Variants in CHD1L observed in about 807,000 individuals in gnomAD.
The protein encoded by CHD1L is ATP-dependent chromatin remodeler CHD1L.
A neutral mutation model predicts 115.9 loss-of-function variants in CHD1L; 118 were observed. The ratio of observed to expected loss-of-function variants is 1.02; its 90% CI spans 0.88 to 1.19. CHD1L has a LOEUF of 1.19. Ranked by LOEUF, CHD1L falls within the 50% of genes most tolerant of loss-of-function variation. The pLI, the probability that CHD1L is intolerant of heterozygous loss-of-function variation, is 0.00. For synonymous variants in CHD1L, 411 were observed against 387.1 expected (o/e 1.06, Z -0.72); for missense variants, 1,179 against 1,065.3 (o/e 1.11, Z -1.49).
Position 147,255,558 on chromosome 1 carries a change from T to C in CHD1L, c.348-255T>C, listed in dbSNP as rs17160050. ...TCATAGTGACGTAGGAAGTAACTCA[T>C]GTGGAAGAGATCGTTTTATTTTTAG... On this transcript the variant is annotated intron_variant, in intron 3 of 22. Transcript: ENST00000369258. 0.22 allele frequency among the ~76,000 whole-genome samples: 32,754 copies of C among 151,718 alleles called. 3,721 individuals carry two copies. Among genetic ancestry groups the C allele is most frequent in the Middle Eastern group, 0.28 (83 of 294 alleles).
intron 10 of CHD1L, among the ~76,000 whole-genome samples, chr1:147,270,576 T>G (rs1420660388): frequency 6.6e-6 from 1 of 152,048 alleles, no homozygotes; most frequent in Non-Finnish European, 1.5e-5. Context: ...ATATCTGTAT[T>G]TATTTTGCTA....
the CHD1L span, chr1:147,179,126 T>G: frequency 1.9e-6 from 3 of 1,613,984 alleles, no homozygotes; most frequent in African/African-American, 4.0e-5. Flanking sequence ...AAGTTTGTCA[T>G]GCAGGAGGAT....
intron 6 of CHD1L, among the ~76,000 whole-genome samples, chr1:147,261,287 CCAAGAT>C (rs1671830703): frequency 6.6e-6 from 1 of 152,094 alleles, no homozygotes; most frequent in Non-Finnish European, 1.5e-5. Context: ...GCTGGGAAGT[CCAAGAT>C]CAAGGTGCCA....
At chr1:147,246,839 T>C (rs1176184175) in intron 1 of CHD1L, among the ~76,000 whole-genome samples, 2 of 152,178 alleles carry the variant, frequency 1.3e-5, no homozygotes, top group Admixed American at 6.5e-5. Flanking sequence ...GGCTAAAATT[T>C]ATCAGTTTAT....
the CHD1L span, chr1:147,214,645 T>C: frequency 2.0e-5 from 3 of 152,100 alleles, no homozygotes; most frequent in African/African-American, 2.4e-5. Flanking sequence ...CTTTATCTTC[T>C]TTAAGAAAAC....
the CHD1L span, among the ~76,000 whole-genome samples, chr1:147,196,411 G>A: frequency 3.3e-5 from 5 of 151,766 alleles, no homozygotes; most frequent in Non-Finnish European, 5.9e-5. Context: ...ACAACCACAA[G>A]TTTTACTTCT....
At chr1:147,191,455 T>C in the CHD1L span, among the ~76,000 whole-genome samples, 1 of 152,172 alleles carries the variant, frequency 6.6e-6, no homozygotes, top group South Asian at 2.1e-4. Context: ...AATTTTTTCA[T>C]GTATTTTTTG....
intron 17 of CHD1L, among the ~76,000 whole-genome samples, chr1:147,285,704 T>C (rs1425530958): frequency 6.6e-6 from 1 of 152,150 alleles, no homozygotes; most frequent in African/African-American, 2.4e-5. Flanking sequence ...AGAATTGTTT[T>C]CTTTTTTCTT....
At chr1:147,259,775 T>G (rs1202477464) in intron 5 of CHD1L, 62 bp from the exon 6 acceptor site, 1 of 1,415,714 alleles carries the variant, frequency 7.1e-7, no homozygotes, top group Non-Finnish European at 9.9e-7. Context: ...GTAGTAAGAC[T>G]TTTGATTGTG....
intron 1 of CHD1L, among the ~76,000 whole-genome samples, chr1:147,243,309 G>A (rs934296658): frequency 3.9e-5 from 6 of 152,106 alleles, no homozygotes; most frequent in Non-Finnish European, 7.4e-5. Context: ...AATTCGCCAC[G>A]GATTAATTCT....
At chr1:147,228,021 T>TA in the CHD1L span, among the ~76,000 whole-genome samples, 59 of 151,598 alleles carry the variant, frequency 3.9e-4, 1 homozygote, top group East Asian at 7.8e-3. Flanking sequence ...TTTTTTTTTT[T>TA]ATCATACTTT....
At chr1:147,242,237 G>A (rs1664976427), upstream of CHD1L, among the ~76,000 whole-genome samples, 1 of 152,014 alleles carries the variant, frequency 6.6e-6, no homozygotes, top group African/African-American at 2.4e-5. Flanking sequence ...GGGATTTCAG[G>A]GACTAAATCA....
chr1:147,217,014 G>T, the CHD1L span, among the ~76,000 whole-genome samples: 1 of 152,124 alleles, frequency 6.6e-6, no homozygotes, highest in African/African-American at 2.4e-5. Flanking sequence ...GCTGAGGTGG[G>T]TAGATCATCT....
chr1:147,240,348 T>TCATCA (rs1429465856), upstream of CHD1L, among the ~76,000 whole-genome samples: 2 of 152,116 alleles, frequency 1.3e-5, no homozygotes, highest in African/African-American at 2.4e-5. Flanking sequence ...TTGTTAAGAG[T>TCATCA]CCACTCCCTA....
the CHD1L span, chr1:147,224,887 G>C: frequency 1.9e-6 from 3 of 1,613,314 alleles, no homozygotes; most frequent in Non-Finnish European, 2.5e-6. Context: ...ACTAGGAGAT[G>C]TATGTACCTG....
Position 147,275,577 on chromosome 1 carries a change from C to T in CHD1L, c.1385+109C>T, listed in dbSNP as rs12064458. Reference sequence around the variant, plus strand: ...AGTCCCACACTGGGAGCTGAGAGACCACCAGGTTTTAGCTCATCTGTGCTA... The same window carrying T: ...AGTCCCACACTGGGAGCTGAGAGACTACCAGGTTTTAGCTCATCTGTGCTA... On this transcript the variant is annotated intron_variant, in intron 13 of 22. Transcript: ENST00000369258. 8.9e-3 allele frequency: 7,099 copies of T among 793,432 alleles called. 327 individuals carry two copies. The African/African-American group carries it at 0.11, about 12-fold the overall frequency. 49.1% of individuals were successfully genotyped at this position (793,432 alleles called of 1,614,324 possible).
chr1:147,199,282 G>A, the CHD1L span, among the ~76,000 whole-genome samples: 1 of 152,170 alleles, frequency 6.6e-6, no homozygotes, highest in Non-Finnish European at 1.5e-5. Flanking sequence ...TTGGCATAGT[G>A]AAGGGATAAT....
At chr1:147,255,460 C>A (rs1553939481) in intron 3 of CHD1L, among the ~76,000 whole-genome samples, 1 of 152,206 alleles carries the variant, frequency 6.6e-6, no homozygotes, top group African/African-American at 2.4e-5. Flanking sequence ...CTCCCGACCT[C>A]ATGTGATCTG....
At position 147,272,243 on chromosome 1, in the gene CHD1L, A is replaced by T. The variant is rs1345233141; in HGVS notation, c.1232A>T (p.Gln411Leu). Residue 411 changes from glutamine (Q) to leucine (L), a missense_variant, in exon 12 of 23, where the codon CAG (glutamine) becomes CTG (leucine). Physicochemically the swap from Gln to Leu is moderately radical, Grantham distance 113. Coordinates refer to ENST00000369258, the MANE Select transcript of CHD1L (RefSeq NM_004284.6). Reference sequence around the variant, plus strand: ...CACTTGGCCATTAAGAACTTTGGACAGCAGCCCATTTTCGTTTTTCTCCTG... The same window carrying T: ...CACTTGGCCATTAAGAACTTTGGACTGCAGCCCATTTTCGTTTTTCTCCTG... Reference protein sequence around the residue: ...ERHLAIKNFGQQPIFVFLLST... With the variant: ...ERHLAIKNFGLQPIFVFLLST... 6.2e-7 allele frequency: 1 copy of T among 1,614,058 alleles called. No individual in the cohort carries two copies. The highest frequency in any genetic ancestry group is 8.5e-7 in the Non-Finnish European group (1 of 1,179,996).
Sources: allele counts gnomAD v4.1 joint callset (sites outside exome capture counted in the v4.1 genomes callset), GRCh38; gene constraint gnomAD v4.1.1; transcripts MANE v1.5; gene names NCBI Gene and HGNC (gene_info 2026-07-23, HGNC 2026-07-21).